Variants in CNTN5 observed in about 807,000 individuals in gnomAD.
The protein encoded by CNTN5 is contactin 5.
In CNTN5, 77 loss-of-function variants were observed where a neutral mutation model predicts 129.1. That is an observed-to-expected ratio of 0.60 (90% confidence interval 0.50 to 0.72). The LOEUF (loss-of-function observed/expected upper bound fraction) is 0.72, where lower values mean the gene tolerates loss of function less well. CNTN5 is among the 30% of genes least tolerant of loss of function. The probability of loss-of-function intolerance (pLI) is 0.00; values close to 1 mark genes in which losing one functional copy is unlikely to be tolerated. For synonymous variants in CNTN5, 509 were observed against 465.6 expected, an observed-to-expected ratio of 1.09 and a Z score of -1.20; for missense variants, 1,478 against 1,328.8, an observed-to-expected ratio of 1.11 and a Z score of -1.75.
At chr11:99,807,521 G>T (rs1026450962) in intron 3 of CNTN5, among the ~76,000 whole-genome samples, 1 of 152,038 alleles carries the variant, frequency 6.6e-6, no homozygotes, top group African/African-American at 2.4e-5. Flanking sequence ...TTATATATAT[G>T]TGTGTGTGTT....
At chr11:99,821,064 G>A (rs888645281) in intron 4 of CNTN5, among the ~76,000 whole-genome samples, 21 of 152,076 alleles carry the variant, frequency 1.4e-4, no homozygotes, top group Non-Finnish European at 2.9e-4. Flanking sequence ...TTTAATATAA[G>A]TTTTTAACTT....
At chr11:100,082,790 T>C (rs562520065) in intron 13 of CNTN5, among the ~76,000 whole-genome samples, 1 of 152,168 alleles carries the variant, frequency 6.6e-6, no homozygotes, top group Admixed American at 6.5e-5. Flanking sequence ...GAGAAGAGGA[T>C]TATAGATAAT....
At chr11:99,554,916 C>A (rs1204259611) in intron 2 of CNTN5, among the ~76,000 whole-genome samples, 1 of 151,896 alleles carries the variant, frequency 6.6e-6, no homozygotes, top group Non-Finnish European at 1.5e-5. Flanking sequence ...GATATTTACT[C>A]ATAAAATACA....
intron 2 of CNTN5, among the ~76,000 whole-genome samples, chr11:99,546,587 T>C (rs1948300132): frequency 6.6e-6 from 1 of 151,698 alleles, no homozygotes. Context: ...GACTCTTCAC[T>C]TGACAGTATA....
rs373027721 is a variant in CNTN5 at position 100,112,544 on chromosome 11, T to G, written c.1580+38250T>G. On this transcript the variant is annotated intron_variant, in intron 13 of 24. Coordinates refer to ENST00000524871, the MANE Select transcript of CNTN5 (RefSeq NM_014361.4). ...TAGTCTGGTGTTAGAACTGTAATTT[T>G]CTGACACCTACTTAGAGATACGGTA... is the stretch of plus-strand genomic sequence containing the variant. 4.6e-5 allele frequency among the ~76,000 whole-genome samples: 7 copies of G among 152,250 alleles called. No individual in the cohort carries two copies. The East Asian group carries it at 1.2e-3, about 25-fold the overall frequency.
Position 99,970,029 on chromosome 11 carries a change from A to G in CNTN5, c.877+13020A>G, listed in dbSNP as rs533973117. Among the ~76,000 whole-genome samples, 101 of 152,166 alleles carry G rather than the reference A, an allele frequency of 6.6e-4. 1 individual carries two copies. The highest frequency in any genetic ancestry group is 1.3e-3 in the Non-Finnish European group (86 of 68,018). ...TAATTACATTACCTTTCTCCTAGTCATCAAACATAAACATTTCTGGGTCAA... is the reference window on the plus strand; with the variant it reads ...TAATTACATTACCTTTCTCCTAGTCGTCAAACATAAACATTTCTGGGTCAA... On this transcript the variant is annotated intron_variant, in intron 8 of 24. Transcript: ENST00000524871.
chr11:99,910,776 C>G (rs542106331), intron 6 of CNTN5, among the ~76,000 whole-genome samples: 38 of 151,836 alleles, frequency 2.5e-4, no homozygotes, highest in African/African-American at 9.2e-4. Context: ...TCTCTTTTCT[C>G]TTTTCTAAAC....
chr11:99,786,471 A>T (rs946955962), intron 3 of CNTN5, among the ~76,000 whole-genome samples: 4 of 152,180 alleles, frequency 2.6e-5, no homozygotes, highest in Non-Finnish European at 5.9e-5. Flanking sequence ...TCAAGCTACC[A>T]TGTACTTTCT....
intron 1 of CNTN5, among the ~76,000 whole-genome samples, chr11:99,284,512 G>A (rs1863836735): frequency 6.6e-6 from 1 of 150,892 alleles, no homozygotes; most frequent in Admixed American, 6.6e-5. Flanking sequence ...TATTTACCTT[G>A]TTTACCAGTG....
intron 2 of CNTN5, 95 bp downstream of exon 2, chr11:99,325,579 C>G (rs960060823): frequency 6.6e-6 from 1 of 152,036 alleles, no homozygotes; most frequent in African/African-American, 2.4e-5. Flanking sequence ...GCTCCTAATA[C>G]AACTGCTGAA....
intron 9 of CNTN5, among the ~76,000 whole-genome samples, chr11:100,022,948 A>G (rs1432090370): frequency 6.6e-6 from 1 of 151,970 alleles, no homozygotes; most frequent in Non-Finnish European, 1.5e-5. Context: ...TGCTTTCAAG[A>G]TTATCTCTTT....
chr11:100,157,570 G>GT (rs1428621007), intron 13 of CNTN5, among the ~76,000 whole-genome samples: 12 of 151,520 alleles, frequency 7.9e-5, no homozygotes, highest in Admixed American at 1.3e-4. Flanking sequence ...TATTTGCTTT[G>GT]TTTTTGTGGA....
intron 15 of CNTN5, among the ~76,000 whole-genome samples, chr11:100,220,297 A>G (rs1323788065): frequency 2.0e-5 from 3 of 151,846 alleles, no homozygotes; most frequent in African/African-American, 7.3e-5. Context: ...AAAAAAAATT[A>G]TCCTCTTGGA....
chr11:99,069,611 G>A (rs1865251013), intron 1 of CNTN5, among the ~76,000 whole-genome samples: 3 of 152,104 alleles, frequency 2.0e-5, no homozygotes. Flanking sequence ...TGTGTTTTAT[G>A]TATTCATTCT....
chr11:100,308,038 C>T (rs1951393238), intron 20 of CNTN5, among the ~76,000 whole-genome samples: 3 of 151,662 alleles, frequency 2.0e-5, no homozygotes, highest in Non-Finnish European at 4.4e-5. Context: ...CAAACACTGA[C>T]TCCATAGTCC....
intron 9 of CNTN5, among the ~76,000 whole-genome samples, chr11:100,046,150 G>C (rs879849738): frequency 1.5e-5 from 2 of 133,326 alleles, no homozygotes; most frequent in Non-Finnish European, 3.2e-5. Flanking sequence ...AGTTGGGGGA[G>C]GGGGGAGGGA....
intron 1 of CNTN5, among the ~76,000 whole-genome samples, chr11:99,125,037 T>TA (rs888442014): frequency 4.6e-5 from 7 of 151,116 alleles, no homozygotes; most frequent in African/African-American, 9.7e-5. Flanking sequence ...TAGAGATGTA[T>TA]AAAAAAAAGC....
Position 99,956,899 on chromosome 11 carries a change from T to C in CNTN5, c.767T>C (p.Ile256Thr), listed in dbSNP as rs773493367. ...TCCCAGGAGACAGGCAACCTTTATA[T>C]TTCTAAAGTCCAAACATCAGATGTT... ...FISQETGNLY[I>T]SKVQTSDVGS... Residue 256 changes from isoleucine (I) to threonine (T), a missense_variant, in exon 8 of 25, where the codon ATT (isoleucine) becomes ACT (threonine). By Grantham distance (89) the Ile-to-Thr change is moderately conservative (BLOSUM62 -1). Coordinates refer to ENST00000524871, the MANE Select transcript of CNTN5 (RefSeq NM_014361.4). 6.2e-7 allele frequency: 1 copy of C among 1,613,924 alleles called. No homozygotes were observed. Among genetic ancestry groups the C allele is most frequent in the Non-Finnish European group, 8.5e-7 (1 of 1,179,834 alleles).
intron 3 of CNTN5, among the ~76,000 whole-genome samples, chr11:99,611,227 T>C (rs1230231860): frequency 2.0e-5 from 3 of 152,188 alleles, no homozygotes; most frequent in Non-Finnish European, 4.4e-5. Flanking sequence ...AGGAGTTTCC[T>C]AACCCATAAT....
Sources: allele counts gnomAD v4.1 joint callset (sites outside exome capture counted in the v4.1 genomes callset), GRCh38; gene constraint gnomAD v4.1.1; transcripts MANE v1.5; gene names NCBI Gene and HGNC (gene_info 2026-07-23, HGNC 2026-07-21).